PTPRD: variants seen among roughly 807,000 people sequenced by gnomAD.
PTPRD encodes protein tyrosine phosphatase receptor type D.
PTPRD carries 34 observed loss-of-function variants against 214.5 expected under a neutral mutation model. The observed-to-expected ratio is 0.16, with a 90% CI of 0.12 to 0.21. PTPRD has a LOEUF of 0.21. Ranked by LOEUF, PTPRD falls within the 10% of genes least tolerant of loss-of-function variation. The pLI, the probability that PTPRD is intolerant of heterozygous loss-of-function variation, is 1.00. For missense variants in PTPRD, 2,545 were observed against 2,398.7 expected (o/e 1.06, Z -1.27); for synonymous variants, 1,128 against 845.7 (o/e 1.33, Z -5.79).
chr9:9,633,706 A>G (rs1385063183), intron 7 of PTPRD, among the ~76,000 whole-genome samples: 1 of 152,182 alleles, frequency 6.6e-6, no homozygotes, highest in Non-Finnish European at 1.5e-5. Flanking sequence ...ATTTATAGTT[A>G]TAGGGTAAGG....
intron 9 of PTPRD, among the ~76,000 whole-genome samples, chr9:9,195,111 C>CAA (rs1399666204): frequency 1.8e-3 from 187 of 104,688 alleles, no homozygotes; most frequent in East Asian, 6.8e-3. Flanking sequence ...TATATATACA[C>CAA]ACACACACAT....
intron 14 of PTPRD, among the ~76,000 whole-genome samples, chr9:8,621,180 C>T (rs2095809111): frequency 6.6e-6 from 1 of 152,016 alleles, no homozygotes; most frequent in East Asian, 1.9e-4. Context: ...CCAATTACTT[C>T]CCCTCCACCA....
chr9:10,285,059 G>C (rs1024704754), intron 3 of PTPRD, among the ~76,000 whole-genome samples: 1 of 152,032 alleles, frequency 6.6e-6, no homozygotes, highest in Non-Finnish European at 1.5e-5. Flanking sequence ...AATTTTAACT[G>C]CTTACTGGAA....
In PTPRD at chr9:8,954,088, C is replaced by T. The variant is rs550127258; in HGVS notation, c.-104+64609G>A. Among the ~76,000 whole-genome samples, 39 of 152,078 alleles carry T rather than the reference C, an allele frequency of 2.6e-4. No homozygotes were observed. The South Asian group carries it at 3.1e-3, about 12-fold the overall frequency. On this transcript the variant is annotated intron_variant, in intron 11 of 45. Transcript: ENST00000381196. ...ATTCACAATAGGAAAAACTTGGAATCAATCCAGGCACCCATTCACAATGGA... is the reference window on the plus strand; with the variant it reads ...ATTCACAATAGGAAAAACTTGGAATTAATCCAGGCACCCATTCACAATGGA...
intron 2 of PTPRD, among the ~76,000 whole-genome samples, chr9:10,596,419 T>G (rs1395041051): frequency 6.6e-6 from 1 of 151,736 alleles, no homozygotes; most frequent in African/African-American, 2.4e-5. Context: ...GACACTAGAT[T>G]AAGCCTTTAT....
chr9:8,872,054 C>G (rs545420898), intron 11 of PTPRD, among the ~76,000 whole-genome samples: 5 of 152,266 alleles, frequency 3.3e-5, no homozygotes, highest in South Asian at 4.1e-4. Flanking sequence ...TCTCATAGAA[C>G]AAACAGCTCA....
intron 35 of PTPRD, among the ~76,000 whole-genome samples, chr9:8,418,538 C>T (rs889975819): frequency 6.6e-5 from 10 of 151,906 alleles, no homozygotes; most frequent in African/African-American, 2.4e-4. Flanking sequence ...AAATGGCTAG[C>T]CCAGTGCATG....
chr9:9,457,877 C>A (rs531398231), intron 8 of PTPRD, among the ~76,000 whole-genome samples: 1 of 152,064 alleles, frequency 6.6e-6, no homozygotes, highest in Non-Finnish European at 1.5e-5. Context: ...TCCACTAACA[C>A]TATAAATTAT....
intron 8 of PTPRD, among the ~76,000 whole-genome samples, chr9:9,502,783 C>A: frequency 6.6e-6 from 1 of 151,834 alleles, no homozygotes; most frequent in Non-Finnish European, 1.5e-5. Flanking sequence ...AACATGTATA[C>A]ATCCTAAAAA....
At chr9:8,651,718 G>C (rs1344263178) in intron 12 of PTPRD, among the ~76,000 whole-genome samples, 3 of 152,026 alleles carry the variant, frequency 2.0e-5, no homozygotes, top group Admixed American at 2.0e-4. Flanking sequence ...GAGGGGGAAG[G>C]GCCGTTTTTT....
At chr9:8,539,882 G>C (rs1195767185) in intron 14 of PTPRD, among the ~76,000 whole-genome samples, 1 of 152,066 alleles carries the variant, frequency 6.6e-6, no homozygotes, top group Non-Finnish European at 1.5e-5. Context: ...GCGATAACTG[G>C]TGAAACACAA....
intron 11 of PTPRD, among the ~76,000 whole-genome samples, chr9:8,825,497 T>C (rs1234483582): frequency 6.6e-6 from 1 of 152,162 alleles, no homozygotes. Flanking sequence ...AGGAGTACAC[T>C]TAACTGTTAA....
chr9:10,392,123 G>C (rs1420330508), intron 2 of PTPRD, among the ~76,000 whole-genome samples: 1 of 151,734 alleles, frequency 6.6e-6, no homozygotes, highest in Non-Finnish European at 1.5e-5. Flanking sequence ...CTCTTCTTCT[G>C]TAATGTAAAT....
At chr9:10,202,937 T>C (rs2099436543) in intron 3 of PTPRD, among the ~76,000 whole-genome samples, 1 of 151,780 alleles carries the variant, frequency 6.6e-6, no homozygotes, top group Non-Finnish European at 1.5e-5. Flanking sequence ...TTGGACCACC[T>C]AACCTCCAGA....
At chr9:9,489,914 C>A (rs1291183967) in intron 8 of PTPRD, among the ~76,000 whole-genome samples, 1 of 151,994 alleles carries the variant, frequency 6.6e-6, no homozygotes, top group African/African-American at 2.4e-5. Context: ...GTTCAATGAA[C>A]TTTAAGTAAG....
chr9:8,388,268 C>T (rs1382613765), intron 37 of PTPRD, among the ~76,000 whole-genome samples: 1 of 152,154 alleles, frequency 6.6e-6, no homozygotes, highest in African/African-American at 2.4e-5. Context: ...AGAACATTTA[C>T]AGAACCTCAA....
At chr9:9,075,081 G>T (rs569366865) in intron 10 of PTPRD, among the ~76,000 whole-genome samples, 2 of 152,032 alleles carry the variant, frequency 1.3e-5, no homozygotes, top group Non-Finnish European at 2.9e-5. Context: ...ATGGTCAAAT[G>T]CTTATTGTAC....
At chr9:9,230,425 T>C (rs887338158) in intron 9 of PTPRD, among the ~76,000 whole-genome samples, 1 of 152,084 alleles carries the variant, frequency 6.6e-6, no homozygotes, top group African/African-American at 2.4e-5. Flanking sequence ...ATAAGTACAG[T>C]GTTTCCCTGA....
intron 11 of PTPRD, among the ~76,000 whole-genome samples, chr9:8,814,067 A>G (rs2096871511): frequency 6.6e-6 from 1 of 152,220 alleles, no homozygotes; most frequent in South Asian, 2.1e-4. Context: ...ATCTCCCCAG[A>G]GCACAGCACC....
Sources: allele counts gnomAD v4.1 joint callset (sites outside exome capture counted in the v4.1 genomes callset), GRCh38; gene constraint gnomAD v4.1.1; transcripts MANE v1.5; gene names NCBI Gene and HGNC (gene_info 2026-07-23, HGNC 2026-07-21).